Variants in ARFGAP3 observed in about 807,000 individuals in gnomAD.
ARFGAP3 encodes ADP-ribosylation factor GTPase-activating protein 3.
Under a neutral mutation model 75.0 loss-of-function variants are expected in ARFGAP3, and 72 were observed. The ratio of observed to expected loss-of-function variants is 0.96; its 90% confidence interval spans 0.79 to 1.17. The LOEUF (loss-of-function observed/expected upper bound fraction) is 1.17, where lower values mean the gene tolerates loss of function less well. Ranked by LOEUF, ARFGAP3 falls within the 50% of genes most tolerant of loss-of-function variation. ARFGAP3 has a pLI of 0.00. For synonymous variants in ARFGAP3, 221 were observed against 217.9 expected (o/e 1.01, Z -0.13); for missense variants, 620 against 626.6 (o/e 0.99, Z 0.11).
intron 7 of ARFGAP3, among the ~76,000 whole-genome samples, chr22:42,824,219 T>C (rs991322327): frequency 2.3e-4 from 34 of 144,798 alleles, no homozygotes; most frequent in Non-Finnish European, 3.8e-4. Flanking sequence ...TCTTGCTATG[T>C]TGCCCAGACT....
chr22:42,853,518 C>G (rs888879589), intron 1 of ARFGAP3: 1 of 212,734 alleles, frequency 4.7e-6, no homozygotes, highest in Non-Finnish European at 1.0e-5. Context: ...TCTGGATGAG[C>G]TGACATGGAG....
chr22:42,832,419 T>TG (rs1207931546), intron 5 of ARFGAP3, among the ~76,000 whole-genome samples: 1 of 151,046 alleles, frequency 6.6e-6, no homozygotes, highest in Non-Finnish European at 1.5e-5. Flanking sequence ...TAATCCCAAC[T>TG]ACTTGGGAGG....
rs1156510276 is a variant in ARFGAP3, at chr22:42,857,129, C to G, written c.54G>C (p.Ser18=). The change falls in exon 1 of 16, where the codon TCG becomes TCC. Residue 18 remains serine (S), a synonymous_variant. Transcript: ENST00000263245. ...CGGCCGCTACCTTGTTAGTGGGCAC[C>G]GAGCGGAGGCGCTTGAAGATGGTCA... ...DILTIFKRLR[S]VPTNKVCFDC... 1 of 1,514,806 alleles carries G rather than the reference C, an allele frequency of 6.6e-7. No individual in the cohort carries two copies. Among genetic ancestry groups the G allele is most frequent in the African/African-American group, 1.4e-5 (1 of 69,322 alleles). 93.8% of individuals were successfully genotyped at this position (1,514,806 alleles called of 1,614,324 possible).
chr22:42,804,380 T>TA (rs1353522816), intron 14 of ARFGAP3, among the ~76,000 whole-genome samples: 1 of 136,306 alleles, frequency 7.3e-6, no homozygotes, highest in Admixed American at 7.3e-5. Context: ...CAGCTAATTT[T>TA]TTTTTTTTTT....
At chr22:42,822,441 A>C in intron 8 of ARFGAP3, 32 bp from the exon 9 acceptor site, 1 of 1,602,450 alleles carries the variant, frequency 6.2e-7, no homozygotes, top group South Asian at 1.1e-5. Context: ...AGTCTACACG[A>C]GCTGTTTGAA....
intron 1 of ARFGAP3, among the ~76,000 whole-genome samples, chr22:42,854,186 C>A (rs576878671): frequency 1.1e-4 from 16 of 152,338 alleles, no homozygotes; most frequent in African/African-American, 3.6e-4. Context: ...AGGACAGGAA[C>A]ATACCATCAG....
chr22:42,797,830 TC>T, intron 15 of ARFGAP3: 2 of 776,896 alleles, frequency 2.6e-6, no homozygotes, highest in Non-Finnish European at 3.1e-6. Flanking sequence ...ACATCCTGCC[TC>T]TGGCATCCAC....
chr22:42,837,675 C>CTTTTTT (rs71186547), intron 3 of ARFGAP3, among the ~76,000 whole-genome samples: 1,885 of 75,608 alleles, frequency 0.025, 143 homozygotes, highest in Non-Finnish European at 0.031. Context: ...AGGCATACTT[C>CTTTTTT]TTTTTTTTTT....
chr22:42,832,716 T>C (rs576322401), intron 5 of ARFGAP3, among the ~76,000 whole-genome samples: 161 of 152,132 alleles, frequency 1.1e-3, no homozygotes, highest in Non-Finnish European at 1.9e-3. Flanking sequence ...CCCGGTGTGG[T>C]GGCTCATGCC....
chr22:42,834,346 AGG>A, intron 4 of ARFGAP3, 21 bp from the exon 5 acceptor site: 1 of 1,609,894 alleles, frequency 6.2e-7, no homozygotes, highest in Non-Finnish European at 8.5e-7. Flanking sequence ...AAAACAACAC[AGG>A]GCTGAGCATT....
chr22:42,802,266 T>A (rs1924895984), intron 14 of ARFGAP3, among the ~76,000 whole-genome samples: 1 of 151,188 alleles, frequency 6.6e-6, no homozygotes, highest in Non-Finnish European at 1.5e-5. Flanking sequence ...CCAGGACAAC[T>A]CCCAGGCTCC....
At chr22:42,809,350 G>C (rs1925261511) in intron 12 of ARFGAP3, among the ~76,000 whole-genome samples, 1 of 152,178 alleles carries the variant, frequency 6.6e-6, no homozygotes, top group African/African-American at 2.4e-5. Context: ...AAAAACTGGA[G>C]ACAGCCCTTC....
intron 15 of ARFGAP3, among the ~76,000 whole-genome samples, chr22:42,798,808 C>T (rs1003803185): frequency 6.6e-6 from 1 of 152,156 alleles, no homozygotes; most frequent in African/African-American, 2.4e-5. Flanking sequence ...AAAAACTGGA[C>T]AATGGTCATG....
intron 6 of ARFGAP3, among the ~76,000 whole-genome samples, chr22:42,829,446 T>A (rs1396001066): frequency 6.6e-6 from 1 of 152,038 alleles, no homozygotes; most frequent in African/African-American, 2.4e-5. Context: ...GTGGCTGCAG[T>A]ATAGTGTAAG....
In ARFGAP3 at chr22:42,811,050, C is replaced by T; in HGVS notation, c.1065-106G>A. The T allele has an allele frequency of 3.3e-6, 5 of 1,497,760 alleles. No individual in the cohort carries two copies. In the South Asian group the frequency reaches 6.8e-5, roughly 20 times the overall value. 92.8% of individuals were successfully genotyped at this position (1,497,760 alleles called of 1,614,324 possible). ...GGGGATGCCTCCTTGAAGTTAATGG[C>T]AGTCACATAACTAGGTCTAGCCAAT... On this transcript the variant is annotated intron_variant, in intron 11 of 15. Coordinates refer to ENST00000263245, the MANE Select transcript of ARFGAP3 (RefSeq NM_014570.5).
rs1211157635 is a variant in ARFGAP3, at chr22:42,840,944, TG to T, written c.260del (p.Ala87AspfsTer74). On this transcript the variant is annotated frameshift_variant and splice_region_variant, in exon 3 of 16. Coordinates refer to ENST00000263245, the MANE Select transcript of ARFGAP3 (RefSeq NM_014570.5). LOFTEE classifies it high-confidence loss of function. ...RCMQVGGNAS[A>X]SSFFHQHGCS... The stretch of plus-strand genomic sequence containing the variant: ...AATGACGAGTTTGAGATGAACTTAC[TG>T]CACTAGCGTTTCCTCCGACTTGCAT... 1 of 1,613,830 alleles carries T rather than the reference TG, an allele frequency of 6.2e-7. No homozygotes were observed. Among genetic ancestry groups the T allele is most frequent in the South Asian group, 1.1e-5 (1 of 90,998 alleles).
rs561479095 is a variant in ARFGAP3 at position 42,797,823 on chromosome 22, T to C, written c.1534-218A>G. 7.8e-5 allele frequency: 66 copies of C among 845,262 alleles called. No homozygotes were observed. In the South Asian group the frequency reaches 3.2e-3, roughly 42 times the overall value. The allele number at this position is 845,262 out of a possible 1,614,324, so 52.4% of individuals were successfully genotyped here. ...GCTTCAGAACCCAACAGGATTCACATCCTGCCTCTGGCATCCACGGCCACA... is the reference window on the plus strand; with the variant it reads ...GCTTCAGAACCCAACAGGATTCACACCCTGCCTCTGGCATCCACGGCCACA... On this transcript the variant is annotated intron_variant, in intron 15 of 15. Transcript: ENST00000263245.
chr22:42,848,437 T>C (rs1927122224), intron 1 of ARFGAP3, among the ~76,000 whole-genome samples: 1 of 152,130 alleles, frequency 6.6e-6, no homozygotes, highest in Non-Finnish European at 1.5e-5. Flanking sequence ...CTCGATCTCC[T>C]GACCTCGTGA....
At chr22:42,840,390 A>G (rs1161569070) in intron 3 of ARFGAP3, among the ~76,000 whole-genome samples, 2 of 152,052 alleles carry the variant, frequency 1.3e-5, no homozygotes, top group Non-Finnish European at 2.9e-5. Flanking sequence ...GGGCCTCCCA[A>G]ACTTTCAAGT....
Sources: gnomAD v4.1 joint callset for allele counts (sites outside exome capture counted in the v4.1 genomes callset) on GRCh38, gnomAD v4.1.1 for gene constraint, MANE v1.5 for transcripts, NCBI Gene and HGNC (gene_info 2026-07-23, HGNC 2026-07-21) for gene names.